Variants in ATP6V1H observed in about 807,000 individuals in gnomAD.
The protein encoded by ATP6V1H is ATPase H+ transporting V1 subunit H, also known as V-type proton ATPase subunit H.
ATP6V1H carries 39 observed loss-of-function variants against 71.7 expected under a neutral mutation model. The ratio of observed to expected loss-of-function variants is 0.54; its 90% CI spans 0.42 to 0.71. ATP6V1H has a LOEUF of 0.71. Ranked by LOEUF, ATP6V1H falls within the 30% of genes least tolerant of loss-of-function variation. The pLI is 0.00. For missense variants in ATP6V1H, 509 were observed against 594.9 expected (o/e 0.86, Z 1.50); for synonymous variants, 192 against 199.3 (o/e 0.96, Z 0.31).
At chr8:53,752,478 T>C (rs1807830740) in intron 12 of ATP6V1H, among the ~76,000 whole-genome samples, 1 of 152,238 alleles carries the variant, frequency 6.6e-6, no homozygotes. Context: ...TCCTGCCAAA[T>C]GATAATAGTA....
At chr8:53,755,721 TATATATATATATATATATATATA>T (rs1479896908) in intron 12 of ATP6V1H, among the ~76,000 whole-genome samples, 206 of 7,942 alleles carry the variant, frequency 0.026, 6 homozygotes, top group African/African-American at 0.089. Flanking sequence ...TATATATATA[TATATATATATATATATATATATA>T]TTTTTTTTTT....
chr8:53,825,779 A>C (rs547369089), intron 4 of ATP6V1H, among the ~76,000 whole-genome samples: 1 of 152,314 alleles, frequency 6.6e-6, no homozygotes, highest in East Asian at 1.9e-4. Context: ...GTCTAACTAA[A>C]GATGAAACTA....
At chr8:53,721,625 A>G (rs1806619797) in intron 13 of ATP6V1H, among the ~76,000 whole-genome samples, 1 of 152,338 alleles carries the variant, frequency 6.6e-6, no homozygotes, top group East Asian at 1.9e-4. Flanking sequence ...AGGTTAGGAC[A>G]ACTAGATTAG....
At chr8:53,760,635 C>G (rs988535322) in intron 11 of ATP6V1H, among the ~76,000 whole-genome samples, 2 of 152,152 alleles carry the variant, frequency 1.3e-5, no homozygotes, top group Admixed American at 1.3e-4. Context: ...GAATTATTTC[C>G]TCCAAGGAGG....
chr8:53,838,410 C>T (rs908964195), intron 2 of ATP6V1H, among the ~76,000 whole-genome samples: 7 of 152,158 alleles, frequency 4.6e-5, no homozygotes, highest in African/African-American at 7.2e-5. Flanking sequence ...TGAGCCACCG[C>T]GCCTGGCCAC....
At chr8:53,793,485 T>G (rs1809630827) in intron 9 of ATP6V1H, among the ~76,000 whole-genome samples, 1 of 152,052 alleles carries the variant, frequency 6.6e-6, no homozygotes, top group South Asian at 2.1e-4. Context: ...CAAAAGATTT[T>G]ATTTTTTAAA....
At chr8:53,826,402 C>T (rs2130509122) in intron 4 of ATP6V1H, among the ~76,000 whole-genome samples, 1 of 152,218 alleles carries the variant, frequency 6.6e-6, no homozygotes, top group East Asian at 1.9e-4. Context: ...CCACAATGTC[C>T]ATCATTACAT....
chr8:53,806,928 C>T, intron 7 of ATP6V1H: 1 of 444,496 alleles, frequency 2.2e-6, no homozygotes, highest in Non-Finnish European at 4.5e-6. Context: ...ATATGCTTTT[C>T]ACACAACTGT....
At chr8:53,838,590 A>T (rs1353740217) in intron 2 of ATP6V1H, among the ~76,000 whole-genome samples, 1 of 152,116 alleles carries the variant, frequency 6.6e-6, no homozygotes, top group Non-Finnish European at 1.5e-5. Context: ...ATTTGATAAA[A>T]GTCTGTTTCC....
intron 3 of ATP6V1H, among the ~76,000 whole-genome samples, chr8:53,830,007 A>G (rs901917042): frequency 6.6e-5 from 10 of 152,192 alleles, no homozygotes; most frequent in Non-Finnish European, 1.0e-4. Context: ...ACTGCAGCCA[A>G]CAATATATTA....
At chr8:53,769,140 T>C (rs1808566569) in intron 11 of ATP6V1H, among the ~76,000 whole-genome samples, 1 of 152,120 alleles carries the variant, frequency 6.6e-6, no homozygotes. Flanking sequence ...TATAAGAAGT[T>C]AAACAATAAA....
At chr8:53,798,111 T>G (rs1809799622) in intron 8 of ATP6V1H, among the ~76,000 whole-genome samples, 2 of 152,192 alleles carry the variant, frequency 1.3e-5, no homozygotes, top group South Asian at 4.1e-4. Flanking sequence ...ATAATGTAAA[T>G]TTTTCTATCT....
At chr8:53,825,734 A>G (rs1480307896) in intron 4 of ATP6V1H, among the ~76,000 whole-genome samples, 2 of 152,174 alleles carry the variant, frequency 1.3e-5, no homozygotes, top group East Asian at 3.8e-4. Flanking sequence ...CATACCTTAC[A>G]CTATAGACAA....
In ATP6V1H at chr8:53,771,751, C is replaced by T. The variant is rs763949014; in HGVS notation, c.1049+238G>A. ...TGGAGTCATCCTGAGGGAGTAAAGC[C>T]GGTCAGAGTTTAGACGGCAGAAAAC... On this transcript the variant is annotated intron_variant, in intron 10 of 13. Transcript: ENST00000359530. Among the ~76,000 whole-genome samples the T allele has an allele frequency of 3.4e-4, 52 of 152,064 alleles. 1 individual carries two copies. The highest frequency in any genetic ancestry group is 7.2e-4 in the Admixed American group (11 of 15,264).
intron 9 of ATP6V1H, among the ~76,000 whole-genome samples, chr8:53,779,879 C>T (rs1563462821): frequency 6.6e-6 from 1 of 152,114 alleles, no homozygotes; most frequent in Non-Finnish European, 1.5e-5. Context: ...ATATTGTCGG[C>T]TGGACTTGAT....
At position 53,789,849 on chromosome 8, in the gene ATP6V1H, C is replaced by T. The variant is rs1331181726; in HGVS notation, c.870+5798G>A. 3.3e-5 allele frequency among the ~76,000 whole-genome samples: 5 copies of T among 152,092 alleles called. No homozygotes were observed. In the East Asian group the frequency reaches 9.6e-4, roughly 29 times the overall value. ...AGGTAAATGGAAAAATAGTACTATT[C>T]ACTTCCACATTAACTAATTAGGAAA... is the stretch of plus-strand genomic sequence containing the variant. On this transcript the variant is annotated intron_variant, in intron 9 of 13. Transcript: ENST00000359530.
chr8:53,825,343 A>AT (rs1003599371), intron 4 of ATP6V1H, among the ~76,000 whole-genome samples: 31 of 148,750 alleles, frequency 2.1e-4, no homozygotes, highest in South Asian at 1.5e-3. Flanking sequence ...CCTTGTTTTG[A>AT]TTTTTTTTTT....
intron 8 of ATP6V1H, among the ~76,000 whole-genome samples, chr8:53,800,920 G>C (rs16919563): frequency 0.091 from 13,900 of 152,114 alleles, 987 homozygotes; most frequent in East Asian, 0.37. Context: ...GCAAACTGAG[G>C]ATTAAATAAA....
At chr8:53,840,575 G>A (rs1264264640) in intron 2 of ATP6V1H, among the ~76,000 whole-genome samples, 1 of 151,860 alleles carries the variant, frequency 6.6e-6, no homozygotes, top group Non-Finnish European at 1.5e-5. Context: ...GTTCCTTCAG[G>A]GACAGTACTC....
Sources: allele counts gnomAD v4.1 joint callset (sites outside exome capture counted in the v4.1 genomes callset), GRCh38; gene constraint gnomAD v4.1.1; transcripts MANE v1.5; gene names NCBI Gene and HGNC (gene_info 2026-07-23, HGNC 2026-07-21).